Variants in ATP6V0D1 observed in about 807,000 individuals in gnomAD.
The protein encoded by ATP6V0D1 is V-type proton ATPase subunit d 1.
Under a neutral mutation model 39.0 loss-of-function variants are expected in ATP6V0D1, and 13 were observed. The observed-to-expected ratio is 0.33, with a 90% CI of 0.22 to 0.53. The LOEUF (loss-of-function observed/expected upper bound fraction) is 0.53. Among genes scored for constraint, ATP6V0D1 ranks in the 20% least tolerant of loss-of-function variants. The pLI is 0.94. For synonymous variants in ATP6V0D1, 191 were observed against 191.2 expected, an observed-to-expected ratio of 1.00 and a Z score of 0.01; for missense variants, 272 against 470.9, an observed-to-expected ratio of 0.58 and a Z score of 3.91.
Position 67,462,827 on chromosome 16 carries a change from CAAAAA to C in ATP6V0D1, c.131-9117_131-9113del, listed in dbSNP as rs397969611. ...TGTGAGACAGAGGGAGACTCTGTCT[CAAAAA>C]AAAAAAAAAAACCTGGCCCATGCCC... On this transcript the variant is annotated intron_variant, in intron 1 of 7. Transcript: ENST00000290949. Among the ~76,000 whole-genome samples, 181 of 100,152 alleles carry C rather than the reference CAAAAA, an allele frequency of 1.8e-3. 2 individuals are homozygous for C. The highest frequency in any genetic ancestry group is 5.6e-3 in the African/African-American group (173 of 30,658). 65.7% of individuals were successfully genotyped at this position (100,152 alleles called of 152,430 possible). A position where few individuals can be genotyped will look rare whatever the true frequency, so the allele number is the denominator to read the frequency against.
intron 2 of ATP6V0D1, among the ~76,000 whole-genome samples, chr16:67,450,368 G>A (rs1371342818): frequency 6.6e-6 from 1 of 152,160 alleles, no homozygotes; most frequent in Admixed American, 6.5e-5. Flanking sequence ...GAAGCCAATC[G>A]TGAGCCCCAG....
In ATP6V0D1 at chr16:67,447,086, G is replaced by A. The variant is rs541157197; in HGVS notation, c.303-2380C>T. On this transcript the variant is annotated intron_variant, in intron 2 of 7. Transcript: ENST00000290949. The surrounding 1 kb of genome is among the most constrained non-coding windows in gnomAD (Gnocchi z 4.1). ...ACCAGCCAATCTCCTCTTTTTCAACGTCCCCCTCCTTGCGCCCCCCACTCA... is the reference window on the plus strand; with the variant it reads ...ACCAGCCAATCTCCTCTTTTTCAACATCCCCCTCCTTGCGCCCCCCACTCA... 3.3e-5 allele frequency among the ~76,000 whole-genome samples: 5 copies of A among 151,968 alleles called. No homozygotes were observed. The East Asian group carries it at 5.8e-4, about 18-fold the overall frequency.
chr16:67,480,547 G>C (rs1019893212), intron 1 of ATP6V0D1, among the ~76,000 whole-genome samples: 1 of 152,092 alleles, frequency 6.6e-6, no homozygotes, highest in Non-Finnish European at 1.5e-5. Context: ...TGTCTTGGCG[G>C]GGGGAGGGGG....
intron 2 of ATP6V0D1, among the ~76,000 whole-genome samples, chr16:67,451,381 G>A (rs2041178515): frequency 6.6e-6 from 1 of 152,214 alleles, no homozygotes; most frequent in Non-Finnish European, 1.5e-5. Context: ...AGGGGTAGCA[G>A]GGGAGGAAGC....
chr16:67,462,027 A>G (rs1168526849), intron 1 of ATP6V0D1, among the ~76,000 whole-genome samples: 1 of 152,200 alleles, frequency 6.6e-6, no homozygotes, highest in African/African-American at 2.4e-5. Flanking sequence ...GGAGGGTGCC[A>G]GGCAGGCGAC....
intron 1 of ATP6V0D1, among the ~76,000 whole-genome samples, chr16:67,467,584 A>G (rs2041340635): frequency 6.6e-6 from 1 of 152,168 alleles, no homozygotes; most frequent in Admixed American, 6.5e-5. Flanking sequence ...GCGCTGTTGA[A>G]TCCTTACAAC....
At chr16:67,468,557 C>T (rs996919934) in intron 1 of ATP6V0D1, among the ~76,000 whole-genome samples, 9 of 147,932 alleles carry the variant, frequency 6.1e-5, no homozygotes, top group Non-Finnish European at 8.9e-5. Flanking sequence ...CACTGTACTC[C>T]AGCCTGGGCA....
intron 2 of ATP6V0D1, among the ~76,000 whole-genome samples, chr16:67,449,664 A>T (rs1453037424): frequency 6.6e-6 from 1 of 152,060 alleles, no homozygotes; most frequent in Non-Finnish European, 1.5e-5. Flanking sequence ...TCCCCACCTG[A>T]TCCTGGAGTC....
rs752272647 is a variant in ATP6V0D1 at position 67,447,486 on chromosome 16, C to T, written c.303-2780G>A. ...TCCCTGCCCCCAGAAAGCCACTCCA[C>T]CATTCCTCCCCTCATTTGGCCTCAA... On this transcript the variant is annotated intron_variant, in intron 2 of 7. Coordinates refer to ENST00000290949, the MANE Select transcript of ATP6V0D1 (RefSeq NM_004691.5). The surrounding 1 kb of genome is among the most constrained non-coding windows in gnomAD (Gnocchi z 4.1). Among the ~76,000 whole-genome samples the T allele has an allele frequency of 5.3e-5, 8 of 152,354 alleles. No individual in the cohort carries two copies. In the South Asian group the frequency reaches 1.0e-3, roughly 20 times the overall value.
rs566352816 is a variant in ATP6V0D1, at chr16:67,438,320, G to C, written c.*208C>G. The C allele has an allele frequency of 1.1e-5, 7 of 620,934 alleles. No individual in the cohort carries two copies. The highest frequency in any genetic ancestry group is 5.7e-5 in the East Asian group (2 of 34,868). The allele number at this position is 620,934 out of a possible 1,614,324, so 38.5% of individuals were successfully genotyped here. A position where few individuals can be genotyped will look rare whatever the true frequency, so the allele number is the denominator to read the frequency against. Reference sequence around the variant, plus strand: ...AGGGGGTCTTCGTCCATCCTTGGTGGGGGGGGGTGCCCAGCCCCTTTTCAG... The same window carrying C: ...AGGGGGTCTTCGTCCATCCTTGGTGCGGGGGGGTGCCCAGCCCCTTTTCAG... On this transcript the variant is annotated 3_prime_UTR_variant, in exon 8 of 8. Transcript: ENST00000290949.
chr16:67,458,210 AGGACAAGGCTG>A (rs1471411169), intron 1 of ATP6V0D1, among the ~76,000 whole-genome samples: 1 of 152,244 alleles, frequency 6.6e-6, no homozygotes, highest in Non-Finnish European at 1.5e-5. Context: ...GGTCAGGCCT[AGGACAAGGCTG>A]GTTGGGATGC....
At chr16:67,472,333 A>G (rs2041380094) in intron 1 of ATP6V0D1, among the ~76,000 whole-genome samples, 1 of 152,042 alleles carries the variant, frequency 6.6e-6, no homozygotes, top group Non-Finnish European at 1.5e-5. Context: ...CCACAGAGTA[A>G]ATGTTCCTTC....
At chr16:67,461,185 C>T (rs898239792) in intron 1 of ATP6V0D1, among the ~76,000 whole-genome samples, 17 of 152,228 alleles carry the variant, frequency 1.1e-4, no homozygotes, top group Admixed American at 8.5e-4. Context: ...GTACCTGTTC[C>T]TCCTCTCCAT....
At chr16:67,469,463 G>A (rs1223533601) in intron 1 of ATP6V0D1, among the ~76,000 whole-genome samples, 1 of 152,198 alleles carries the variant, frequency 6.6e-6, no homozygotes, top group African/African-American at 2.4e-5. Context: ...TGCTCACAGT[G>A]GCTATACCTG....
intron 1 of ATP6V0D1, chr16:67,457,724 C>T (rs2041252209): frequency 9.1e-7 from 1 of 1,095,930 alleles, no homozygotes; most frequent in Admixed American, 2.3e-5. Context: ...CTGCAGGCCC[C>T]CCACTCCTGG....
chr16:67,477,752 A>C (rs987821624), intron 1 of ATP6V0D1, among the ~76,000 whole-genome samples: 1 of 151,958 alleles, frequency 6.6e-6, no homozygotes, highest in African/African-American at 2.4e-5. Context: ...GGCTCACTGC[A>C]AGCTCCGCCT....
intron 1 of ATP6V0D1, among the ~76,000 whole-genome samples, chr16:67,478,862 G>A (rs1312650469): frequency 6.6e-6 from 1 of 152,182 alleles, no homozygotes; most frequent in Non-Finnish European, 1.5e-5. Flanking sequence ...TGTTACAGGA[G>A]AGCGGACAGC....
chr16:67,472,720 A>C (rs1247758383), intron 1 of ATP6V0D1, among the ~76,000 whole-genome samples: 2 of 152,050 alleles, frequency 1.3e-5, no homozygotes, highest in Non-Finnish European at 2.9e-5. Flanking sequence ...AATACAAAAA[A>C]TTTGCCGGGC....
intron 1 of ATP6V0D1, among the ~76,000 whole-genome samples, chr16:67,454,358 C>CT (rs1317540999): frequency 2.0e-5 from 3 of 152,302 alleles, no homozygotes; most frequent in Middle Eastern, 6.8e-3. Flanking sequence ...GCAGGAAAGA[C>CT]TGAGCGTCCC....
Sources: gnomAD v4.1 joint callset for allele counts (sites outside exome capture counted in the v4.1 genomes callset) on GRCh38, gnomAD v4.1.1 for gene constraint, Gnocchi (gnomAD v3.1) non-coding constraint, MANE v1.5 for transcripts, NCBI Gene and HGNC (gene_info 2026-07-23, HGNC 2026-07-21) for gene names.